The following NRG2 variants were observed in gnomAD, a reference collection of about 807,000 sequenced individuals.
NRG2 encodes the protein neuregulin 2.
A neutral mutation model predicts 73.9 loss-of-function variants in NRG2; 27 were observed. The ratio of observed to expected loss-of-function variants is 0.37; its 90% CI spans 0.27 to 0.50. NRG2 has a LOEUF of 0.50. Among genes scored for constraint, NRG2 ranks in the 20% least tolerant of loss-of-function variants. The probability of loss-of-function intolerance (pLI) is 0.96; values close to 1 mark genes in which losing one functional copy is unlikely to be tolerated. For synonymous variants in NRG2, 532 were observed against 541.0 expected (o/e 0.98, Z 0.23); for missense variants, 1,126 against 1,210.1 (o/e 0.93, Z 1.03).
chr5:139,882,672 G>A (rs1470633918), intron 2 of NRG2, among the ~76,000 whole-genome samples: 1 of 152,128 alleles, frequency 6.6e-6, no homozygotes, highest in African/African-American at 2.4e-5. Context: ...GCACACACCA[G>A]ATTAGCAGGG....
chr5:139,959,437 C>T lies in NRG2; in HGVS notation c.701-71926G>A, dbSNP rs185644436. On this transcript the variant is annotated intron_variant, in intron 1 of 9. Transcript: ENST00000361474. ...TCCCGCCCAGGCTGGAGTGCAATGG[C>T]GTGATCTTGGCTCACCACAACCTCT... Among the ~76,000 whole-genome samples the T allele has an allele frequency of 2.4e-4, 36 of 152,302 alleles. No homozygotes were observed. In the East Asian group the frequency reaches 4.8e-3, roughly 20 times the overall value.
At chr5:139,875,171 C>A (rs1309281232) in intron 3 of NRG2, among the ~76,000 whole-genome samples, 1 of 152,106 alleles carries the variant, frequency 6.6e-6, no homozygotes, top group Non-Finnish European at 1.5e-5. Flanking sequence ...GCCACCATGC[C>A]CAGCTAATTT....
chr5:139,929,465 A>G (rs1241715798), intron 1 of NRG2, among the ~76,000 whole-genome samples: 1 of 152,172 alleles, frequency 6.6e-6, no homozygotes. Flanking sequence ...GCACTTAACA[A>G]TGGCTGTTCA....
intron 1 of NRG2, among the ~76,000 whole-genome samples, chr5:139,974,746 C>CCTCGGGACCAACTGTT (rs1196401481): frequency 1.3e-5 from 2 of 152,204 alleles, no homozygotes; most frequent in African/African-American, 2.4e-5. Context: ...CTCCACCCAG[C>CCTCGGGACCAACTGTT]CTCGGGACCA....
At chr5:139,879,005 CTAAG>C (rs1305005783) in intron 3 of NRG2, among the ~76,000 whole-genome samples, 10 of 152,202 alleles carry the variant, frequency 6.6e-5, no homozygotes, top group African/African-American at 1.9e-4. Context: ...AGCTCAAAGA[CTAAG>C]TGTTTGCCAA....
At chr5:140,014,512 C>T (rs935178106) in intron 1 of NRG2, among the ~76,000 whole-genome samples, 1 of 152,164 alleles carries the variant, frequency 6.6e-6, no homozygotes, top group Non-Finnish European at 1.5e-5. Context: ...GCCGGGATTA[C>T]AGGCATGAGC....
chr5:139,856,892 A>G lies in NRG2; in HGVS notation c.1190-1114T>C, dbSNP rs192345923. ...CCCATGCCCACTGACACACAGTTGG[A>G]TGGAGTTGTAAACAACCAGACCTCC... On this transcript the variant is annotated intron_variant, in intron 5 of 9. Coordinates refer to ENST00000361474, the MANE Select transcript of NRG2 (RefSeq NM_004883.3). The surrounding 1 kb of genome is among the most constrained non-coding windows in gnomAD (Gnocchi z 4.2). Among the ~76,000 whole-genome samples, 143 of 152,302 alleles carry G rather than the reference A, an allele frequency of 9.4e-4. No homozygotes were observed. The highest frequency in any genetic ancestry group is 3.3e-3 in the African/African-American group (136 of 41,568).
chr5:139,925,722 T>C (rs528821943), intron 1 of NRG2, among the ~76,000 whole-genome samples: 3 of 152,230 alleles, frequency 2.0e-5, no homozygotes, highest in Non-Finnish European at 4.4e-5. Context: ...ACAACCGTGC[T>C]GGCAGAGGCC....
intron 1 of NRG2, among the ~76,000 whole-genome samples, chr5:139,929,164 G>A (rs772820585): frequency 5.3e-5 from 8 of 152,154 alleles, no homozygotes; most frequent in Admixed American, 1.3e-4. Flanking sequence ...AAGGCACTCC[G>A]TCTTGTGTCC....
At chr5:139,959,438 G>A (rs1754896425) in intron 1 of NRG2, among the ~76,000 whole-genome samples, 1 of 152,158 alleles carries the variant, frequency 6.6e-6, no homozygotes, top group South Asian at 2.1e-4. Context: ...GTGCAATGGC[G>A]TGATCTTGGC....
intron 1 of NRG2, among the ~76,000 whole-genome samples, chr5:139,960,302 G>A (rs984362433): frequency 1.3e-5 from 2 of 152,172 alleles, no homozygotes; most frequent in Admixed American, 6.5e-5. Flanking sequence ...GTCACCTGAG[G>A]TCGGGAGTTC....
intron 1 of NRG2, among the ~76,000 whole-genome samples, chr5:139,988,748 C>T (rs1186547479): frequency 6.6e-6 from 1 of 151,872 alleles, no homozygotes; most frequent in African/African-American, 2.4e-5. Context: ...ATAGAATGTA[C>T]ACCACCAAGA....
chr5:140,039,796 G>A (rs1761778571), intron 1 of NRG2, among the ~76,000 whole-genome samples: 1 of 152,114 alleles, frequency 6.6e-6, no homozygotes, highest in African/African-American at 2.4e-5. Flanking sequence ...AAGCAACAAT[G>A]CAACCTCAGT....
chr5:140,043,185 G>A lies in NRG2; in HGVS notation c.-116C>T, dbSNP rs762187858. ...CGTTAGCGCCTCTTAGCCCTCCACCGGCAGCCCGGGGAGGTGGCCCAGCTA... is the reference window on the plus strand; with the variant it reads ...CGTTAGCGCCTCTTAGCCCTCCACCAGCAGCCCGGGGAGGTGGCCCAGCTA... On this transcript the variant is annotated 5_prime_UTR_variant, in exon 1 of 10. Transcript: ENST00000361474. The surrounding 1 kb of genome is among the most constrained non-coding windows in gnomAD (Gnocchi z 6.7). 8.0e-7 allele frequency: 1 copy of A among 1,243,936 alleles called. No individual in the cohort carries two copies. The highest frequency in any genetic ancestry group is 1.6e-5 in the African/African-American group (1 of 63,800). 77.1% of individuals were successfully genotyped at this position (1,243,936 alleles called of 1,614,324 possible). A position where few individuals can be genotyped will look rare whatever the true frequency, so the allele number is the denominator to read the frequency against.
chr5:139,925,949 C>T (rs1342709896), intron 1 of NRG2, among the ~76,000 whole-genome samples: 1 of 152,232 alleles, frequency 6.6e-6, no homozygotes, highest in Non-Finnish European at 1.5e-5. Context: ...AGCTGGCCAG[C>T]TCCACTCTGG....
Position 139,973,156 on chromosome 5 carries a change from C to CAAAAAAAAAAAAAAAAAAAA in NRG2, c.700+69194_700+69213dup, listed in dbSNP as rs58053481. Among the ~76,000 whole-genome samples, 6 of 89,438 alleles carry CAAAAAAAAAAAAAAAAAAAA rather than the reference C, an allele frequency of 6.7e-5. 1 individual carries two copies. Among genetic ancestry groups the CAAAAAAAAAAAAAAAAAAAA allele is most frequent in the Admixed American group, 2.5e-4 (2 of 8,162 alleles). The allele number at this position is 89,438 out of a possible 152,430, so 58.7% of individuals were successfully genotyped here. ...TGCATCCTAAAGAAGTAAGAATATGCAAAAAAAAAAAAAAAAAAAAGCCCT... is the reference window on the plus strand; with the variant it reads ...TGCATCCTAAAGAAGTAAGAATATGCAAAAAAAAAAAAAAAAAAAAAAAAAAAAAAAAAAAAAAAAGCCCT... On this transcript the variant is annotated intron_variant, in intron 1 of 9. Coordinates refer to ENST00000361474, the MANE Select transcript of NRG2 (RefSeq NM_004883.3).
chr5:139,942,196 A>G (rs907102579), intron 1 of NRG2, among the ~76,000 whole-genome samples: 3 of 152,190 alleles, frequency 2.0e-5, no homozygotes, highest in Non-Finnish European at 4.4e-5. Context: ...ATTTCAGTCA[A>G]AAAATGCACA....
At position 140,043,138 on chromosome 5, in the gene NRG2, T is replaced by C. The variant is rs1461389706; in HGVS notation, c.-69A>G. 1 of 1,530,622 alleles carries C rather than the reference T, an allele frequency of 6.5e-7. No individual in the cohort carries two copies. The highest frequency in any genetic ancestry group is 1.2e-5 in the South Asian group (1 of 84,022). 94.8% of individuals were successfully genotyped at this position (1,530,622 alleles called of 1,614,324 possible). A position where few individuals can be genotyped will look rare whatever the true frequency, so the allele number is the denominator to read the frequency against. The stretch of plus-strand genomic sequence containing the variant: ...CCTTGGGAGGGGAAACAGAGCCCGC[T>C]GGAAAACCGGAAACAGCGTAACGTT... On this transcript the variant is annotated 5_prime_UTR_variant, in exon 1 of 10. Transcript: ENST00000361474. The surrounding 1 kb of genome is among the most constrained non-coding windows in gnomAD (Gnocchi z 6.7).
chr5:139,904,405 G>T lies in NRG2; in HGVS notation c.701-16894C>A. ...CCTCCTGGACTCCGACATTCTGCAC[G>T]GGGTCCCAGGCGGTGGGACGGCCTC... On this transcript the variant is annotated intron_variant, in intron 1 of 9. Coordinates refer to ENST00000361474, the MANE Select transcript of NRG2 (RefSeq NM_004883.3). The surrounding 1 kb of genome is among the most constrained non-coding windows in gnomAD (Gnocchi z 6.0). 1 of 1,515,288 alleles carries T rather than the reference G, an allele frequency of 6.6e-7. No individual in the cohort carries two copies. The highest frequency in any genetic ancestry group is 9.0e-7 in the Non-Finnish European group (1 of 1,113,182). 93.9% of individuals were successfully genotyped at this position (1,515,288 alleles called of 1,614,324 possible).
Sources: gnomAD v4.1 joint callset for allele counts (sites outside exome capture counted in the v4.1 genomes callset) on GRCh38, gnomAD v4.1.1 for gene constraint, Gnocchi (gnomAD v3.1) non-coding constraint, MANE v1.5 for transcripts, NCBI Gene and HGNC (gene_info 2026-07-23, HGNC 2026-07-21) for gene names.